The following SLC28A1 variants were observed in gnomAD, a reference collection of about 807,000 sequenced individuals.
SLC28A1 encodes sodium/nucleoside cotransporter 1.
A neutral mutation model predicts 74.8 loss-of-function variants in SLC28A1; 64 were observed. The observed-to-expected ratio is 0.86, with a 90% CI of 0.70 to 1.05. SLC28A1 has a LOEUF of 1.05. SLC28A1 is among the 50% of genes least tolerant of loss of function. SLC28A1 has a pLI of 0.00. For synonymous variants in SLC28A1, 359 were observed against 335.0 expected, an observed-to-expected ratio of 1.07 and a Z score of -0.78; for missense variants, 828 against 822.8, an observed-to-expected ratio of 1.01 and a Z score of -0.08.
At chr15:84,923,265 T>C (rs1020855739) in intron 11 of SLC28A1, among the ~76,000 whole-genome samples, 1 of 152,104 alleles carries the variant, frequency 6.6e-6, no homozygotes, top group African/African-American at 2.4e-5. Flanking sequence ...CCCTAACCAG[T>C]AGGCATTATC....
chr15:84,961,254 C>A, the SLC28A1 span, among the ~76,000 whole-genome samples: 1 of 152,094 alleles, frequency 6.6e-6, no homozygotes, highest in Non-Finnish European at 1.5e-5. Context: ...CTCTTTTCAG[C>A]CTGGATTTCA....
Position 84,933,211 on chromosome 15 carries a change from C to A in SLC28A1, c.1150C>A (p.Leu384Met). The change falls in exon 13 of 19, where the codon CTG becomes ATG. Residue 384 changes from leucine to methionine, a missense_variant. Physicochemically the swap from Leu to Met is conservative, Grantham distance 15 (BLOSUM62 2). Transcript: ENST00000394573. ...AAPCALALSK[L>M]VYPEVEESKF... Reference sequence around the variant, plus strand: ...CCCTTGTGCCTTGGCCCTCTCCAAGCTGGTCTACCCGGAGGTGGAGGAGTC... The same window carrying A: ...CCCTTGTGCCTTGGCCCTCTCCAAGATGGTCTACCCGGAGGTGGAGGAGTC... 1 of 1,613,786 alleles carries A rather than the reference C, an allele frequency of 6.2e-7. No homozygotes were observed. Among genetic ancestry groups the A allele is most frequent in the Non-Finnish European group, 8.5e-7 (1 of 1,179,878 alleles).
chr15:84,921,740 A>C (rs907571569), intron 11 of SLC28A1, among the ~76,000 whole-genome samples: 4 of 152,130 alleles, frequency 2.6e-5, no homozygotes, highest in Admixed American at 6.5e-5. Context: ...ATGTGTGTTG[A>C]TTTGAAAGTT....
chr15:84,973,649 G>A, the SLC28A1 span, among the ~76,000 whole-genome samples: 4 of 152,172 alleles, frequency 2.6e-5, no homozygotes. Flanking sequence ...TCCCTACTGC[G>A]ATACACACTC....
At position 84,905,546 on chromosome 15, in the gene SLC28A1, G is replaced by A; in HGVS notation, c.611G>A (p.Trp204Ter). The change falls in exon 8 of 19, where the codon TGG (tryptophan) becomes TAG (stop). Residue 204 changes from tryptophan to a stop codon, truncating the protein, a stop_gained. Transcript: ENST00000394573. LOFTEE classifies it high-confidence loss of function. ...ACSKHHCAVS[W>*]RAVSWGLGLQ... is the part of the protein sequence containing the mutation. Reference sequence around the variant, plus strand: ...TGTTGGGTGGGGTGGTAGGTGTCCTGGAGGGCCGTGTCTTGGGGACTTGGA... The same window carrying A: ...TGTTGGGTGGGGTGGTAGGTGTCCTAGAGGGCCGTGTCTTGGGGACTTGGA... 6.2e-7 allele frequency: 1 copy of A among 1,611,330 alleles called. No individual in the cohort carries two copies. Among genetic ancestry groups the A allele is most frequent in the Non-Finnish European group, 8.5e-7 (1 of 1,177,428 alleles).
chr15:84,895,239 C>T, intron 6 of SLC28A1, 116 bp downstream of exon 6: 2 of 1,575,126 alleles, frequency 1.3e-6, no homozygotes. Context: ...ATGGAGAACT[C>T]TCTGGCGCCC....
chr15:84,904,173 G>T lies in SLC28A1; in HGVS notation c.538G>T (p.Val180Leu). 1 of 1,614,222 alleles carries T rather than the reference G, an allele frequency of 6.2e-7. No individual in the cohort carries two copies. The highest frequency in any genetic ancestry group is 8.5e-7 in the Non-Finnish European group (1 of 1,180,046). The change falls in exon 7 of 19, where the codon GTG becomes TTG. Residue 180 changes from valine to leucine, a missense_variant. Physicochemically the swap from Val to Leu is conservative, Grantham distance 32. Coordinates refer to ENST00000394573, the MANE Select transcript of SLC28A1 (RefSeq NM_004213.5). ...CACCTCCCAGCGGCCTGAGCAACTG[G>T]TGTCCTTCGCAGGAATCTGCGTGTT... is the stretch of plus-strand genomic sequence containing the variant. ...LDTSQRPEQLVSFAGICVFVA... is the reference protein window; with the variant it reads ...LDTSQRPEQLLSFAGICVFVA...
intron 6 of SLC28A1, among the ~76,000 whole-genome samples, chr15:84,902,785 C>T (rs567278083): frequency 6.6e-6 from 1 of 150,944 alleles, no homozygotes; most frequent in African/African-American, 2.4e-5. Flanking sequence ...GCTGGAGTGC[C>T]GTAGTGCGAT....
At position 84,908,587 on chromosome 15, in the gene SLC28A1, GC is replaced by G. The variant is rs146702064; in HGVS notation, c.718-122del. 6.5e-4 allele frequency: 457 copies of G among 701,652 alleles called. 1 individual carries two copies. Among genetic ancestry groups the G allele is most frequent in the African/African-American group, 1.0e-3 (58 of 56,334 alleles). 43.5% of individuals were successfully genotyped at this position (701,652 alleles called of 1,614,324 possible). On this transcript the variant is annotated intron_variant, in intron 8 of 18. Coordinates refer to ENST00000394573, the MANE Select transcript of SLC28A1 (RefSeq NM_004213.5). ...GCTTTAACGCACCTTGCCAGGTGGT[GC>G]CCCCCCCCGGATAAGGGCCTGGGGG...
chr15:84,926,491 T>C, intron 12 of SLC28A1: 1 of 449,616 alleles, frequency 2.2e-6, no homozygotes, highest in South Asian at 1.6e-5. Flanking sequence ...GCATGAGCCA[T>C]TGCATCCAGC....
At chr15:84,901,983 A>G (rs1340354308) in intron 6 of SLC28A1, among the ~76,000 whole-genome samples, 1 of 152,248 alleles carries the variant, frequency 6.6e-6, no homozygotes, top group Non-Finnish European at 1.5e-5. Flanking sequence ...GTGAACTGAT[A>G]AGCAAAGTGT....
rs755644624 is a variant in SLC28A1 at position 84,924,123 on chromosome 15, C to G, written c.1083+13C>G. 4 of 1,610,690 alleles carry G rather than the reference C, an allele frequency of 2.5e-6. No homozygotes were observed. The highest frequency in any genetic ancestry group is 1.3e-5 in the African/African-American group (1 of 74,842). ...CATCTCCTTTGGGGTAGGTAGAGCC[C>G]TCCTTCTGCTTGGCTATGTTGAGGA... On this transcript the variant is annotated intron_variant, in intron 12 of 18. Transcript: ENST00000394573.
intron 8 of SLC28A1, among the ~76,000 whole-genome samples, chr15:84,908,441 C>T (rs1424321720): frequency 6.6e-6 from 1 of 152,130 alleles, no homozygotes; most frequent in Non-Finnish European, 1.5e-5. Flanking sequence ...GCCTCAGCCT[C>T]CCAAAGTGCT....
intron 6 of SLC28A1, among the ~76,000 whole-genome samples, chr15:84,902,479 C>A (rs1306790681): frequency 4.9e-4 from 69 of 142,004 alleles, no homozygotes; most frequent in Admixed American, 6.3e-4. Flanking sequence ...GACTTTGTCT[C>A]AAAAAAAAAA....
downstream of SLC28A1, among the ~76,000 whole-genome samples, chr15:84,950,685 A>G (rs951584534): frequency 3.3e-5 from 5 of 152,138 alleles, no homozygotes; most frequent in Non-Finnish European, 5.9e-5. Context: ...AGCCTGGGTG[A>G]CAAGAGTGAC....
At chr15:84,954,921 A>T in the SLC28A1 span, among the ~76,000 whole-genome samples, 2 of 152,136 alleles carry the variant, frequency 1.3e-5, no homozygotes, top group East Asian at 3.8e-4. Context: ...GGTAGGAATG[A>T]TGCCATGTGA....
intron 15 of SLC28A1, among the ~76,000 whole-genome samples, chr15:84,940,000 G>A (rs975018098): frequency 1.3e-5 from 2 of 152,064 alleles, no homozygotes; most frequent in African/African-American, 2.4e-5. Context: ...ACTAACCTTC[G>A]CATTTTTTGT....
At chr15:84,922,391 G>T (rs1051045842) in intron 11 of SLC28A1, among the ~76,000 whole-genome samples, 1 of 152,082 alleles carries the variant, frequency 6.6e-6, no homozygotes, top group Non-Finnish European at 1.5e-5. Context: ...CTCTTGGCAA[G>T]TGGGAACATC....
chr15:84,969,475 G>C, the SLC28A1 span, among the ~76,000 whole-genome samples: 11,640 of 152,190 alleles, frequency 0.076, 549 homozygotes, highest in Middle Eastern at 0.11. Flanking sequence ...ACAGATGCTG[G>C]CATCACCATT....
Sources: allele counts gnomAD v4.1 joint callset (sites outside exome capture counted in the v4.1 genomes callset), GRCh38; gene constraint gnomAD v4.1.1; transcripts MANE v1.5; gene names NCBI Gene and HGNC (gene_info 2026-07-23, HGNC 2026-07-21).